The following JARID2 variants were observed in gnomAD, a reference collection of about 807,000 sequenced individuals.
JARID2 encodes the protein protein Jumonji.
In JARID2, 21 loss-of-function variants were observed where a neutral mutation model predicts 125.6. The observed-to-expected ratio is 0.17, with a 90% CI of 0.12 to 0.24. The LOEUF is 0.24. Ranked by LOEUF, JARID2 falls within the 10% of genes least tolerant of loss-of-function variation. JARID2 has a pLI of 1.00. For missense variants in JARID2, 1,303 were observed against 1,639.6 expected (o/e 0.79, Z 3.55); for synonymous variants, 736 against 661.6 (o/e 1.11, Z -1.73).
chr6:15,287,087 T>C (rs1332691176), intron 1 of JARID2, among the ~76,000 whole-genome samples: 1 of 151,326 alleles, frequency 6.6e-6, no homozygotes, highest in Non-Finnish European at 1.5e-5. Flanking sequence ...GATGGCGTCA[T>C]TGAACTCCAG....
chr6:15,263,724 C>T (rs534256445), intron 1 of JARID2, among the ~76,000 whole-genome samples: 1 of 151,932 alleles, frequency 6.6e-6, no homozygotes, highest in South Asian at 2.1e-4. Context: ...TCCAGAGTAG[C>T]CAGGATTACA....
intron 12 of JARID2, chr6:15,509,484 G>GATCACCGT: frequency 2.8e-6 from 1 of 359,938 alleles, no homozygotes; most frequent in Non-Finnish European, 3.9e-6. Context: ...GGGTCTGTGT[G>GATCACCGT]CCATGGACGG....
chr6:15,327,721 T>C (rs754119970), intron 1 of JARID2, among the ~76,000 whole-genome samples: 9 of 151,978 alleles, frequency 5.9e-5, no homozygotes, highest in Admixed American at 2.0e-4. Context: ...CTATAGAAAT[T>C]TGGTTCTAGG....
intron 3 of JARID2, among the ~76,000 whole-genome samples, chr6:15,428,828 C>A (rs1766839917): frequency 6.6e-6 from 1 of 151,666 alleles, no homozygotes. Context: ...ATCGCTGGAA[C>A]CCGGGAGGTA....
At chr6:15,442,652 T>C (rs1243924820) in intron 3 of JARID2, among the ~76,000 whole-genome samples, 1 of 152,172 alleles carries the variant, frequency 6.6e-6, no homozygotes, top group African/African-American at 2.4e-5. Context: ...CTTCCATAGG[T>C]GGTAAACTAT....
At chr6:15,427,297 G>A (rs1273440642) in intron 3 of JARID2, among the ~76,000 whole-genome samples, 3 of 152,154 alleles carry the variant, frequency 2.0e-5, no homozygotes, top group African/African-American at 2.4e-5. Flanking sequence ...AGATGTTGGC[G>A]AACACTTGTT....
At position 15,300,739 on chromosome 6, in the gene JARID2, G is replaced by C. The variant is rs1427719598; in HGVS notation, c.45+54155G>C. On this transcript the variant is annotated intron_variant, in intron 1 of 17. Transcript: ENST00000341776. ...TGTGTGTGTGAGAGAGAGAGAGAGA[G>C]AGAGAGAGAGACAGAGAGGAGGGGT... Among the ~76,000 whole-genome samples the C allele has an allele frequency of 1.9e-4, 28 of 151,186 alleles. No individual in the cohort carries two copies. In the East Asian group the frequency reaches 2.7e-3, roughly 15 times the overall value.
chr6:15,498,015 A>T (rs886770993), intron 7 of JARID2, among the ~76,000 whole-genome samples: 5 of 152,164 alleles, frequency 3.3e-5, no homozygotes, highest in Non-Finnish European at 7.4e-5. Context: ...CCTCTTTCTA[A>T]CATAATTACC....
Position 15,507,293 on chromosome 6 carries a change from G to C in JARID2, c.2660+39G>C, listed in dbSNP as rs374813595. On this transcript the variant is annotated intron_variant, in intron 10 of 17. Transcript: ENST00000341776. ...CTCTCGTCCAGGTTCTTGGGGATGT[G>C]ACTGCATCCTTTCCCCGCCAGTTTG... 1.0e-5 allele frequency: 16 copies of C among 1,600,724 alleles called. 1 individual carries two copies. In the African/African-American group the frequency reaches 2.0e-4, roughly 20 times the overall value.
chr6:15,516,582 T>G (rs2127772235), intron 16 of JARID2, among the ~76,000 whole-genome samples: 1 of 152,262 alleles, frequency 6.6e-6, no homozygotes, highest in Non-Finnish European at 1.5e-5. Context: ...ATCTGTGATG[T>G]TGAGGGTTTT....
At chr6:15,400,231 C>T (rs1247301346) in intron 2 of JARID2, among the ~76,000 whole-genome samples, 1 of 151,846 alleles carries the variant, frequency 6.6e-6, no homozygotes, top group Non-Finnish European at 1.5e-5. Context: ...GTGGGGGCAG[C>T]GGTGGCCCAT....
chr6:15,359,151 T>G (rs1763703747), intron 1 of JARID2, among the ~76,000 whole-genome samples: 1 of 152,316 alleles, frequency 6.6e-6, no homozygotes, highest in African/African-American at 2.4e-5. Flanking sequence ...AGCTCAAGGA[T>G]TATGGAAGAA....
At chr6:15,463,390 G>T (rs550648068) in intron 4 of JARID2, among the ~76,000 whole-genome samples, 1 of 151,158 alleles carries the variant, frequency 6.6e-6, no homozygotes, top group Admixed American at 6.6e-5. Context: ...CCACCCCTGA[G>T]AACGCAAGGT....
chr6:15,415,645 T>C (rs1766138151), intron 3 of JARID2, among the ~76,000 whole-genome samples: 1 of 127,042 alleles, frequency 7.9e-6, no homozygotes. Context: ...GGCGGGGGGC[T>C]GACCCCCCCC....
chr6:15,516,489 G>A (rs950113072), intron 16 of JARID2, among the ~76,000 whole-genome samples: 4 of 152,240 alleles, frequency 2.6e-5, no homozygotes, highest in South Asian at 2.1e-4. Context: ...GTCCACTGGC[G>A]GGACAGCTGT....
At chr6:15,249,061 T>G in intron 1 of JARID2, 10 of 556,146 alleles carry the variant, frequency 1.8e-5, no homozygotes, top group Non-Finnish European at 2.3e-5. Flanking sequence ...GCGCCTCCTT[T>G]CTGCAGGAAT....
At chr6:15,333,633 A>G (rs368670661) in intron 1 of JARID2, among the ~76,000 whole-genome samples, 5 of 152,212 alleles carry the variant, frequency 3.3e-5, no homozygotes, top group Admixed American at 6.5e-5. Flanking sequence ...GGCACTGACA[A>G]CATTTGCAGT....
At chr6:15,294,025 A>G (rs369781907) in intron 1 of JARID2, among the ~76,000 whole-genome samples, 2 of 152,150 alleles carry the variant, frequency 1.3e-5, no homozygotes, top group East Asian at 3.9e-4. Flanking sequence ...TGTGACTCCT[A>G]TGCCAAGTTG....
intron 3 of JARID2, among the ~76,000 whole-genome samples, chr6:15,425,129 C>G (rs528014409): frequency 6.6e-6 from 1 of 152,196 alleles, no homozygotes; most frequent in African/African-American, 2.4e-5. Context: ...TTAAATAAGT[C>G]AATGAAGAGC....
Sources: gnomAD v4.1 joint callset for allele counts (sites outside exome capture counted in the v4.1 genomes callset) on GRCh38, gnomAD v4.1.1 for gene constraint, MANE v1.5 for transcripts, NCBI Gene and HGNC (gene_info 2026-07-23, HGNC 2026-07-21) for gene names.